The following GAB2 variants were observed in gnomAD, a reference collection of about 807,000 sequenced individuals.
GAB2 encodes the protein GRB2 associated binding protein 2.
GAB2 carries 26 observed loss-of-function variants against 65.5 expected under a neutral mutation model. That is an observed-to-expected ratio of 0.40 (90% confidence interval 0.29 to 0.55). The LOEUF (loss-of-function observed/expected upper bound fraction) is 0.55. Ranked by LOEUF, GAB2 falls within the 20% of genes least tolerant of loss-of-function variation. GAB2 has a pLI of 0.53. For synonymous variants in GAB2, 321 were observed against 329.6 expected (o/e 0.97, Z 0.28); for missense variants, 884 against 875.8 (o/e 1.01, Z -0.12).
intron 1 of GAB2, among the ~76,000 whole-genome samples, chr11:78,379,005 C>G (rs1414737068): frequency 6.6e-6 from 1 of 152,128 alleles, no homozygotes; most frequent in East Asian, 1.9e-4. Context: ...GATGTCTGAA[C>G]ACAAATTAAG....
chr11:78,417,194 T>C (rs1263140417), intron 1 of GAB2, among the ~76,000 whole-genome samples: 1 of 151,882 alleles, frequency 6.6e-6, no homozygotes, highest in African/African-American at 2.4e-5. Flanking sequence ...GGAGAGGGCG[T>C]GAGGCGCTCG....
At chr11:78,384,011 T>C (rs990963599) in intron 1 of GAB2, among the ~76,000 whole-genome samples, 15 of 152,206 alleles carry the variant, frequency 9.9e-5, no homozygotes, top group Non-Finnish European at 1.8e-4. Flanking sequence ...AGAGGCATAG[T>C]TGAGCAAAGA....
chr11:78,285,487 T>C lies in GAB2; in HGVS notation c.76-4586A>G, dbSNP rs550007483. 6.8e-4 allele frequency among the ~76,000 whole-genome samples: 103 copies of C among 152,300 alleles called. 2 individuals are homozygous for C. Among genetic ancestry groups the C allele is most frequent in the Non-Finnish European group, 1.4e-3 (95 of 68,016 alleles). On this transcript the variant is annotated intron_variant, in intron 1 of 9. Transcript: ENST00000361507. ...CTCTCCACTTCCAGGTTTTATTTAT[T>C]TATATATATTTTTAGAGTACCCAGG...
At chr11:78,342,322 G>A (rs1325979976) in intron 1 of GAB2, among the ~76,000 whole-genome samples, 1 of 151,066 alleles carries the variant, frequency 6.6e-6, no homozygotes, top group East Asian at 1.9e-4. Context: ...TACCTTAAAT[G>A]CCACCTCCTC....
intron 2 of GAB2, among the ~76,000 whole-genome samples, chr11:78,274,002 GTTTT>G (rs57942137): frequency 6.8e-6 from 1 of 148,066 alleles, no homozygotes; most frequent in South Asian, 2.1e-4. Context: ...TATTAAACCT[GTTTT>G]TTTTTTTGTT....
intron 4 of GAB2, 50 bp from the exon 5 acceptor site, chr11:78,225,252 G>C: frequency 8.2e-7 from 1 of 1,218,128 alleles, no homozygotes; most frequent in Non-Finnish European, 1.2e-6. Flanking sequence ...TTCATGTGTT[G>C]ACACTTACCC....
chr11:78,308,954 T>C (rs2134639243), intron 1 of GAB2, among the ~76,000 whole-genome samples: 1 of 152,284 alleles, frequency 6.6e-6, no homozygotes, highest in South Asian at 2.1e-4. Flanking sequence ...CCTGGAAAGA[T>C]GCTGAGGGTA....
intron 1 of GAB2, among the ~76,000 whole-genome samples, chr11:78,370,125 C>T (rs568692893): frequency 6.7e-6 from 1 of 150,248 alleles, no homozygotes; most frequent in African/African-American, 2.4e-5. Flanking sequence ...GGCGTAGTGG[C>T]GGGCGCCTGT....
chr11:78,221,975 G>A (rs945767526), intron 7 of GAB2, 130 bp downstream of exon 7: 2 of 725,850 alleles, frequency 2.8e-6, no homozygotes, highest in Admixed American at 2.1e-5. Flanking sequence ...ACAAGACATC[G>A]AGACATGATC....
chr11:78,287,685 G>C (rs991697087), intron 1 of GAB2, among the ~76,000 whole-genome samples: 5 of 142,926 alleles, frequency 3.5e-5, no homozygotes, highest in Admixed American at 2.2e-4. Context: ...GTCTTACTCT[G>C]TTGCTCAGGG....
chr11:78,251,982 G>T (rs1865467665), intron 2 of GAB2, among the ~76,000 whole-genome samples: 1 of 152,236 alleles, frequency 6.6e-6, no homozygotes, highest in African/African-American at 2.4e-5. Flanking sequence ...GAAACTTCTT[G>T]TTCGAAAGAA....
At chr11:78,220,272 C>A in intron 9 of GAB2, 47 bp downstream of exon 9, 2 of 1,607,340 alleles carry the variant, frequency 1.2e-6, no homozygotes, top group Non-Finnish European at 1.7e-6. Flanking sequence ...TCTCTGCCTC[C>A]GGGACCCTGA....
intron 1 of GAB2, among the ~76,000 whole-genome samples, chr11:78,343,130 C>T (rs1856125450): frequency 1.3e-5 from 2 of 152,074 alleles, no homozygotes; most frequent in Admixed American, 1.3e-4. Flanking sequence ...TTGTCAATAT[C>T]TATATCAAGA....
chr11:78,358,974 C>A (rs73500965), intron 1 of GAB2, among the ~76,000 whole-genome samples: 4,458 of 152,118 alleles, frequency 0.029, 175 homozygotes, highest in African/African-American at 0.091. Context: ...TGAAAAAGTC[C>A]ATGGTCAAGT....
chr11:78,351,868 T>G (rs986954516), intron 1 of GAB2, among the ~76,000 whole-genome samples: 7 of 152,066 alleles, frequency 4.6e-5, no homozygotes, highest in African/African-American at 1.7e-4. Context: ...AACTTGTACT[T>G]TGACAGGGAC....
At chr11:78,402,570 C>T (rs1856988126) in intron 1 of GAB2, among the ~76,000 whole-genome samples, 1 of 147,774 alleles carries the variant, frequency 6.8e-6, no homozygotes, top group East Asian at 2.0e-4. Flanking sequence ...CACCCCCACC[C>T]CCAATCGCCC....
At chr11:78,320,680 A>G (rs1855704998) in intron 1 of GAB2, among the ~76,000 whole-genome samples, 1 of 92,224 alleles carries the variant, frequency 1.1e-5, no homozygotes, top group Admixed American at 1.1e-4. Context: ...CCTCCCAAGT[A>G]GCTATGATTA....
At chr11:78,401,244 C>A (rs1856967753) in intron 1 of GAB2, among the ~76,000 whole-genome samples, 1 of 152,114 alleles carries the variant, frequency 6.6e-6, no homozygotes, top group African/African-American at 2.4e-5. Context: ...TGTCCAGAAC[C>A]CTTTATCTTG....
At position 78,393,618 on chromosome 11, in the gene GAB2, T is replaced by C. The variant is rs1033646712; in HGVS notation, c.75+24028A>G. ...TAATTATACCCTTTGAATCAGACCC[T>C]CTTTTGCAGAAATTCATCCTAAGGA... On this transcript the variant is annotated intron_variant, in intron 1 of 9. Transcript: ENST00000361507. 2.6e-5 allele frequency among the ~76,000 whole-genome samples: 4 copies of C among 152,234 alleles called. No individual in the cohort carries two copies. The South Asian group carries it at 8.3e-4, about 31-fold the overall frequency.
Sources: gnomAD v4.1 joint callset for allele counts (sites outside exome capture counted in the v4.1 genomes callset) on GRCh38, gnomAD v4.1.1 for gene constraint, MANE v1.5 for transcripts, NCBI Gene and HGNC (gene_info 2026-07-23, HGNC 2026-07-21) for gene names.